Variants in TWIST2 observed in about 807,000 individuals in gnomAD.
TWIST2 encodes the protein twist-related protein 2.
TWIST2 carries 1 observed loss-of-function variant against 11.6 expected under a neutral mutation model. The ratio of observed to expected loss-of-function variants is 0.09; its 90% CI spans 0.03 to 0.41. TWIST2 has a LOEUF of 0.41. Ranked by LOEUF, TWIST2 falls within the 10% of genes least tolerant of loss-of-function variation. The pLI is 0.98. For synonymous variants in TWIST2, 87 were observed against 96.6 expected, an observed-to-expected ratio of 0.90 and a Z score of 0.58; for missense variants, 168 against 226.4, an observed-to-expected ratio of 0.74 and a Z score of 1.66.
intron 1 of TWIST2, among the ~76,000 whole-genome samples, chr2:238,865,997 G>C (rs1226892188): frequency 6.6e-6 from 1 of 152,156 alleles, no homozygotes; most frequent in African/African-American, 2.4e-5. Context: ...TCTTTGTGTG[G>C]TTAGCCTGGG....
chr2:238,884,566 G>A (rs889918657), intron 1 of TWIST2, among the ~76,000 whole-genome samples: 4 of 152,230 alleles, frequency 2.6e-5, no homozygotes, highest in East Asian at 1.9e-4. Flanking sequence ...GTTGCCACCC[G>A]CAGGCCACCG....
chr2:238,890,876 G>A (rs1693119203), intron 1 of TWIST2, among the ~76,000 whole-genome samples: 1 of 152,036 alleles, frequency 6.6e-6, no homozygotes, highest in Non-Finnish European at 1.5e-5. Context: ...AAATCGTTCT[G>A]CCCACCGTCA....
At chr2:238,887,219 C>T (rs1693055967) in intron 1 of TWIST2, 1 of 152,118 alleles carries the variant, frequency 6.6e-6, no homozygotes, top group Admixed American at 6.5e-5. Flanking sequence ...TCTCTTCCAC[C>T]CCACCACATC....
intron 1 of TWIST2, among the ~76,000 whole-genome samples, chr2:238,854,257 T>C (rs1692292009): frequency 6.6e-6 from 1 of 152,198 alleles, no homozygotes; most frequent in Admixed American, 6.5e-5. Context: ...AAAATAGCCA[T>C]CAGTATCTTC....
chr2:238,903,329 T>C, intron 1 of TWIST2, among the ~76,000 whole-genome samples: 1 of 144,070 alleles, frequency 6.9e-6, no homozygotes, highest in East Asian at 2.1e-4. Flanking sequence ...GTGTGTGATG[T>C]GAGGTATGTT....
rs1692482088 is a variant in TWIST2, at chr2:238,864,019, C to T, written c.*35+15286C>T. ...AGGCACAGAATCTCTCATTTCCTTT[C>T]AGATTCTTCGCCATAATCTAATTTT... On this transcript the variant is annotated intron_variant, in intron 1 of 1. Coordinates refer to ENST00000612363, the MANE Select transcript of TWIST2 (RefSeq NM_001271893.4). This position sits in a 1 kb window ranked among gnomAD's most constrained non-coding sequence, Gnocchi z 4.7. Among the ~76,000 whole-genome samples, 1 of 152,208 alleles carries T rather than the reference C, an allele frequency of 6.6e-6. No individual in the cohort carries two copies. Among genetic ancestry groups the T allele is most frequent in the Non-Finnish European group, 1.5e-5 (1 of 68,036 alleles).
rs149908463 is a variant in TWIST2, at chr2:238,892,495, T to C, written c.*36-17347T>C. Reference sequence around the variant, plus strand: ...GTTTGTTTTGTTTTGTTTTTGTTTTTTTTGAGATGGAATCTTGCTCTGTCG... The same window carrying C: ...GTTTGTTTTGTTTTGTTTTTGTTTTCTTTGAGATGGAATCTTGCTCTGTCG... On this transcript the variant is annotated intron_variant, in intron 1 of 1. Coordinates refer to ENST00000612363, the MANE Select transcript of TWIST2 (RefSeq NM_001271893.4). Among the ~76,000 whole-genome samples, 892 of 152,286 alleles carry C rather than the reference T, an allele frequency of 5.9e-3. 8 individuals carry two copies. The highest frequency in any genetic ancestry group is 0.02 in the African/African-American group (822 of 41,544).
intron 1 of TWIST2, among the ~76,000 whole-genome samples, chr2:238,853,761 G>C (rs1692285170): frequency 6.6e-6 from 1 of 152,198 alleles, no homozygotes; most frequent in African/African-American, 2.4e-5. Flanking sequence ...CACATAACTT[G>C]ATTCCAGCAT....
chr2:238,892,087 GCCTGCA>G (rs1693144952), intron 1 of TWIST2, among the ~76,000 whole-genome samples: 9 of 152,100 alleles, frequency 5.9e-5, no homozygotes, highest in Non-Finnish European at 1.3e-4. Context: ...ACTGGAACCC[GCCTGCA>G]GCAGCCACTC....
At chr2:238,876,764 G>T (rs921785891) in intron 1 of TWIST2, among the ~76,000 whole-genome samples, 1 of 152,112 alleles carries the variant, frequency 6.6e-6, no homozygotes, top group Non-Finnish European at 1.5e-5. Context: ...GGCAATATGT[G>T]TCAAAAGCAT....
intron 1 of TWIST2, among the ~76,000 whole-genome samples, chr2:238,906,807 A>G (rs1211809358): frequency 6.6e-6 from 1 of 152,076 alleles, no homozygotes; most frequent in East Asian, 1.9e-4. Context: ...TGGGGAGCCC[A>G]TGCCTGCCTC....
intron 1 of TWIST2, among the ~76,000 whole-genome samples, chr2:238,874,713 A>G (rs1380130339): frequency 2.0e-5 from 3 of 152,228 alleles, no homozygotes; most frequent in African/African-American, 7.2e-5. Context: ...GAGAATCTAC[A>G]GGGGCTCTCT....
intron 1 of TWIST2, among the ~76,000 whole-genome samples, chr2:238,881,854 G>C (rs933397107): frequency 1.3e-5 from 2 of 152,210 alleles, no homozygotes; most frequent in Admixed American, 1.3e-4. Context: ...ACGAGGGCTT[G>C]AGGGAGGAGA....
Position 238,867,051 on chromosome 2 carries a change from C to A in TWIST2, c.*35+18318C>A, listed in dbSNP as rs1289993077. On this transcript the variant is annotated intron_variant, in intron 1 of 1. Transcript: ENST00000612363. This position sits in a 1 kb window ranked among gnomAD's most constrained non-coding sequence, Gnocchi z 4.8. ...TCTGTGATTTACAATTCCCTGGCTG[C>A]CTTCCAAGCAGAACGCACCTGGCAG... 6.6e-6 allele frequency among the ~76,000 whole-genome samples: 1 copy of A among 152,140 alleles called. No individual in the cohort carries two copies. The highest frequency in any genetic ancestry group is 2.4e-5 in the African/African-American group (1 of 41,430).
chr2:238,869,012 C>A (rs2106356967), intron 1 of TWIST2, among the ~76,000 whole-genome samples: 1 of 152,328 alleles, frequency 6.6e-6, no homozygotes, highest in Middle Eastern at 3.4e-3. Flanking sequence ...CAGCATCAGG[C>A]AGCAGATGGC....
chr2:238,865,416 G>A (rs911331509), intron 1 of TWIST2, among the ~76,000 whole-genome samples: 3 of 152,220 alleles, frequency 2.0e-5, no homozygotes, highest in African/African-American at 7.2e-5. Flanking sequence ...CCGGGCACCT[G>A]TTGGCGTTCC....
intron 1 of TWIST2, among the ~76,000 whole-genome samples, chr2:238,882,130 C>A (rs558709003): frequency 6.6e-6 from 1 of 152,082 alleles, no homozygotes; most frequent in Admixed American, 6.6e-5. Flanking sequence ...CAGATTTAAC[C>A]CTGGGCCTCT....
At chr2:238,861,418 A>G (rs765849982) in intron 1 of TWIST2, among the ~76,000 whole-genome samples, 17 of 152,134 alleles carry the variant, frequency 1.1e-4, no homozygotes, top group African/African-American at 2.2e-4. Context: ...GGGACACTGG[A>G]GCCAGCGCCC....
chr2:238,870,577 A>ACACACCC (rs1692660638), intron 1 of TWIST2, among the ~76,000 whole-genome samples: 17 of 55,926 alleles, frequency 3.0e-4, no homozygotes, highest in Admixed American at 4.2e-4. Flanking sequence ...ACCACACACC[A>ACACACCC]CACACACACA....
Sources: gnomAD v4.1 joint callset for allele counts (sites outside exome capture counted in the v4.1 genomes callset) on GRCh38, gnomAD v4.1.1 for gene constraint, Gnocchi (gnomAD v3.1) non-coding constraint, MANE v1.5 for transcripts, NCBI Gene and HGNC (gene_info 2026-07-23, HGNC 2026-07-21) for gene names.